TRIP10: variants seen among roughly 807,000 people sequenced by gnomAD.
TRIP10 encodes the protein thyroid hormone receptor interactor 10.
Under a neutral mutation model 80.9 loss-of-function variants are expected in TRIP10, and 54 were observed. That is an observed-to-expected ratio of 0.67 (90% CI 0.54 to 0.84). The LOEUF (loss-of-function observed/expected upper bound fraction) is 0.84. Among genes scored for constraint, TRIP10 ranks in the 40% least tolerant of loss-of-function variants. The probability of loss-of-function intolerance (pLI) is 0.00; values close to 1 mark genes in which losing one functional copy is unlikely to be tolerated. For synonymous variants in TRIP10, 321 were observed against 307.2 expected (o/e 1.04, Z -0.47); for missense variants, 773 against 815.3 (o/e 0.95, Z 0.63).
rs997235535 is a variant in TRIP10, at chr19:6,746,009, T to G, written c.985-20T>G. ...CCCCCACCCCTTCAACCTATCCCCC[T>G]CCCCGGCCCCCGCCGGTAGCCTCGC... On this transcript the variant is annotated intron_variant, in intron 9 of 14. Coordinates refer to ENST00000313244, the MANE Select transcript of TRIP10 (RefSeq NM_001288962.2). This position sits in a 1 kb window ranked among gnomAD's most constrained non-coding sequence, Gnocchi z 6.2. 39 of 250,828 alleles carry G rather than the reference T, an allele frequency of 1.6e-4. No individual in the cohort carries two copies. Among genetic ancestry groups the G allele is most frequent in the Middle Eastern group, 2.2e-3 (1 of 464 alleles). 15.5% of individuals were successfully genotyped at this position (250,828 alleles called of 1,614,324 possible).
intron 1 of TRIP10, among the ~76,000 whole-genome samples, chr19:6,740,345 G>A (rs749507477): frequency 3.3e-5 from 5 of 152,144 alleles, no homozygotes; most frequent in Admixed American, 6.5e-5. Flanking sequence ...GGGCGGGACC[G>A]CCCCCTGGTC....
rs1969096128 is a variant in TRIP10, at chr19:6,745,651, G to A, written c.985-378G>A. ...GTCTTCTAGACTGTCAGCCCAGAAA[G>A]CTAAGTGGACAGAGAGACATGGGCC... On this transcript the variant is annotated intron_variant, in intron 9 of 14. Transcript: ENST00000313244. The surrounding 1 kb of genome is among the most constrained non-coding windows in gnomAD (Gnocchi z 7.2). 1 of 985,212 alleles carries A rather than the reference G, an allele frequency of 1.0e-6. No homozygotes were observed. Among genetic ancestry groups the A allele is most frequent in the Non-Finnish European group, 1.2e-6 (1 of 829,898 alleles). The allele number at this position is 985,212 out of a possible 1,614,324, so 61.0% of individuals were successfully genotyped here.
At chr19:6,741,338 C>T in intron 3 of TRIP10, 57 bp downstream of exon 3, 1 of 1,551,824 alleles carries the variant, frequency 6.4e-7, no homozygotes, top group African/African-American at 1.4e-5. Context: ...GTGCTTGGGT[C>T]TCACTTCCCC....
In TRIP10 at chr19:6,751,263, C is replaced by T. The variant is rs113120264; in HGVS notation, c.*52C>T. 1.1e-3 allele frequency: 1,707 copies of T among 1,612,604 alleles called. 17 individuals carry two copies. In the African/African-American group the frequency reaches 0.019, roughly 18 times the overall value. On this transcript the variant is annotated 3_prime_UTR_variant, in exon 15 of 15. Coordinates refer to ENST00000313244, the MANE Select transcript of TRIP10 (RefSeq NM_001288962.2). ...GCTGTCGGCTGCTGCTTCTGGGCCA[C>T]GGGGAGCCCCAGGACCTATGCACTT... is the stretch of plus-strand genomic sequence containing the variant.
In TRIP10 at chr19:6,743,574, C is replaced by A; in HGVS notation, c.489C>A (p.Asn163Lys). 1 of 1,605,698 alleles carries A rather than the reference C, an allele frequency of 6.2e-7. No homozygotes were observed. Among genetic ancestry groups the A allele is most frequent in the African/African-American group, 1.4e-5 (1 of 72,386 alleles). The change falls in exon 6 of 15, where the codon AAC (asparagine) becomes AAA (lysine). Residue 163 changes from asparagine to lysine, a missense_variant. Coordinates refer to ENST00000313244, the MANE Select transcript of TRIP10 (RefSeq NM_001288962.2). ...QTAERLDQDI[N>K]ATKADVEKAK... is the part of the protein sequence containing the mutation. ...CTGAACGGCTAGACCAGGATATCAACGCCACCAAGGCTGATGTGGAGAAGG... is the reference window on the plus strand; with the variant it reads ...CTGAACGGCTAGACCAGGATATCAAAGCCACCAAGGCTGATGTGGAGAAGG...
rs1599568925 is a variant in TRIP10, at chr19:6,749,869, C to T, written c.1263-65C>T. The T allele has an allele frequency of 7.0e-6, 11 of 1,573,124 alleles. No individual in the cohort carries two copies. In the East Asian group the frequency reaches 2.2e-4, roughly 32 times the overall value. ...AGACCCTGACTCAAACAAAACAAAA[C>T]AACAGCAACAAAAAAACTCACACGG... On this transcript the variant is annotated intron_variant, in intron 11 of 14. Coordinates refer to ENST00000313244, the MANE Select transcript of TRIP10 (RefSeq NM_001288962.2).
At chr19:6,750,143 G>GC in intron 12 of TRIP10, 77 bp downstream of exon 12, 19 of 842,218 alleles carry the variant, frequency 2.3e-5, no homozygotes, top group Non-Finnish European at 3.4e-5. Flanking sequence ...GGGGGTCGGG[G>GC]ACAGGGGAGG....
rs368462114 is a variant in TRIP10, at chr19:6,750,281, C to G, written c.1396-11C>G. On this transcript the variant is annotated splice_polypyrimidine_tract_variant and intron_variant, in intron 12 of 14. Transcript: ENST00000313244. ...CTGCCCTGGAACGATTTTCCTGTCC[C>G]CTCCTCCCAGGCGTGGCTGGCAGAA... 1.2e-6 allele frequency: 2 copies of G among 1,613,684 alleles called. No individual in the cohort carries two copies. Among genetic ancestry groups the G allele is most frequent in the East Asian group, 2.2e-5 (1 of 44,870 alleles).
Position 6,746,151 on chromosome 19 carries a change from C to T in TRIP10, c.1107C>T (p.Val369=). The T allele has an allele frequency of 6.5e-7, 1 of 1,547,158 alleles. No homozygotes were observed. The highest frequency in any genetic ancestry group is 8.7e-7 in the Non-Finnish European group (1 of 1,145,338). Residue 369 remains valine (V), a synonymous_variant, in exon 10 of 15, where the codon GTC becomes GTT. Coordinates refer to ENST00000313244, the MANE Select transcript of TRIP10 (RefSeq NM_001288962.2). The surrounding 1 kb of genome is among the most constrained non-coding windows in gnomAD (Gnocchi z 6.2). The part of the protein sequence containing the change: ...LAILSEISKS[V]KPRLASFRSL... ...TACTGAGCGAGATCAGTAAGTCGGT[C>T]AAACCGAGGCTAGCATCCTTCCGCA...
At chr19:6,748,008 T>C (rs1368435676) in intron 11 of TRIP10, among the ~76,000 whole-genome samples, 11 of 151,654 alleles carry the variant, frequency 7.3e-5, no homozygotes, top group Non-Finnish European at 1.5e-4. Flanking sequence ...AATCCACCAT[T>C]GGTTGGGTTT....
chr19:6,745,061 T>A lies in TRIP10; in HGVS notation c.984+67T>A. 6.5e-7 allele frequency: 1 copy of A among 1,536,814 alleles called. No homozygotes were observed. The highest frequency in any genetic ancestry group is 8.8e-7 in the Non-Finnish European group (1 of 1,142,328). On this transcript the variant is annotated intron_variant, in intron 9 of 14. Transcript: ENST00000313244. The surrounding 1 kb of genome is among the most constrained non-coding windows in gnomAD (Gnocchi z 7.2). ...TGAAGTGGGGACAGTGGGGCCCCTA[T>A]TGAGTCAGCCCCAGCCGCCTGAACG...
rs1726954720 is a variant in TRIP10 at position 6,750,442 on chromosome 19, A to G, written c.1535+11A>G. ...GGACACCAAGGAGAGGTGAGGGGTG[A>G]CGTCAGAGTGGGTCTGTTCCCAGGG... On this transcript the variant is annotated intron_variant, in intron 13 of 14. Coordinates refer to ENST00000313244, the MANE Select transcript of TRIP10 (RefSeq NM_001288962.2). 2 of 1,613,878 alleles carry G rather than the reference A, an allele frequency of 1.2e-6. No homozygotes were observed. The highest frequency in any genetic ancestry group is 2.7e-5 in the African/African-American group (2 of 74,940).
In TRIP10 at chr19:6,743,217, C is replaced by T. The variant is rs1599559448; in HGVS notation, c.369C>T (p.Ala123=). Residue 123 remains alanine, a synonymous_variant, in exon 5 of 15, where the codon GCC becomes GCT. Coordinates refer to ENST00000313244, the MANE Select transcript of TRIP10 (RefSeq NM_001288962.2). The part of the protein sequence containing the change: ...RKMHFQEGRR[A]QQQLENGFKQ... ...AGCACTTCCAAGAAGGGCGGCGGGC[C>T]CAGCAGCAGCTGGAAAATGGCTTTA... 2 of 1,614,060 alleles carry T rather than the reference C, an allele frequency of 1.2e-6. No individual in the cohort carries two copies. Among genetic ancestry groups the T allele is most frequent in the Non-Finnish European group, 1.7e-6 (2 of 1,180,002 alleles).
At chr19:6,740,862 C>G (rs938317753) in intron 1 of TRIP10, 148 bp from the exon 2 acceptor site, 10 of 643,928 alleles carry the variant, frequency 1.6e-5, no homozygotes, top group Admixed American at 1.2e-4. Flanking sequence ...TGCCTCCCCC[C>G]GCGCCACGCC....
In TRIP10 at chr19:6,744,917, C is replaced by A; in HGVS notation, c.907C>A (p.Pro303Thr). The change falls in exon 9 of 15, where the codon CCC becomes ACC. Residue 303 changes from proline to threonine, a missense_variant. Transcript: ENST00000313244. This position sits in a 1 kb window ranked among gnomAD's most constrained non-coding sequence, Gnocchi z 4.9. The part of the protein sequence containing the change: ...RAPSDSSLGT[P>T]SDGRPELRGP... ...ACCCTCCGACAGCAGTCTGGGCACC[C>A]CCTCGGATGGACGGCCTGAACTCCG... 4 of 1,614,172 alleles carry A rather than the reference C, an allele frequency of 2.5e-6. No individual in the cohort carries two copies. The highest frequency in any genetic ancestry group is 3.4e-6 in the Non-Finnish European group (4 of 1,180,044).
In TRIP10 at chr19:6,750,409, G is replaced by A. The variant is rs780842925; in HGVS notation, c.1513G>A (p.Ala505Thr). 7.1e-5 allele frequency: 114 copies of A among 1,614,002 alleles called. No individual in the cohort carries two copies. Among genetic ancestry groups the A allele is most frequent in the Non-Finnish European group, 9.2e-5 (109 of 1,180,014 alleles). ...CCCGCCAGACAGCAGCAGCAACAGC[G>A]CATCACAGGACACCAAGGAGAGGTG... ...SAPPDSSSNS[A>T]SQDTKESSEE... Residue 505 changes from alanine to threonine, a missense_variant, in exon 13 of 15, where the codon GCA becomes ACA. By Grantham distance (58) the Ala-to-Thr change is moderately conservative (BLOSUM62 0). Transcript: ENST00000313244.
At chr19:6,740,827 G>C in intron 1 of TRIP10, 183 bp from the exon 2 acceptor site, 1 of 586,040 alleles carries the variant, frequency 1.7e-6, no homozygotes, top group East Asian at 2.9e-5. Flanking sequence ...TTCCCGGGAA[G>C]GGGAGGGGGT....
At chr19:6,749,784 A>T in intron 11 of TRIP10, 150 bp from the exon 12 acceptor site, 4 of 1,115,850 alleles carry the variant, frequency 3.6e-6, no homozygotes, top group African/African-American at 1.6e-5. Context: ...CCGGGAGGTT[A>T]AGGTTGCAGT....
At chr19:6,741,326 CG>C in intron 3 of TRIP10, 45 bp downstream of exon 3, 1 of 1,571,312 alleles carries the variant, frequency 6.4e-7, no homozygotes, top group Non-Finnish European at 8.6e-7. Flanking sequence ...TGGGGAAAGG[CG>C]GTGCTTGGGT....
Sources: allele counts gnomAD v4.1 joint callset (sites outside exome capture counted in the v4.1 genomes callset), GRCh38; gene constraint gnomAD v4.1.1; non-coding constraint Gnocchi (gnomAD v3.1); transcripts MANE v1.5; gene names NCBI Gene and HGNC (gene_info 2026-07-23, HGNC 2026-07-21).